GLCCI1: variants seen among roughly 807,000 people sequenced by gnomAD.
GLCCI1 encodes the protein glucocorticoid induced 1.
Under a neutral mutation model 52.2 loss-of-function variants are expected in GLCCI1, and 24 were observed. That is an observed-to-expected ratio of 0.46 (90% CI 0.33 to 0.65). The LOEUF (loss-of-function observed/expected upper bound fraction) is 0.65, where lower values mean the gene tolerates loss of function less well. Among genes scored for constraint, GLCCI1 ranks in the 30% least tolerant of loss-of-function variants. The pLI is 0.02. For synonymous variants in GLCCI1, 310 were observed against 276.5 expected (o/e 1.12, Z -1.20); for missense variants, 704 against 701.5 (o/e 1.00, Z -0.04).
intron 2 of GLCCI1, 131 bp downstream of exon 2, chr7:8,004,190 C>T: frequency 4.7e-6 from 4 of 852,624 alleles, no homozygotes; most frequent in South Asian, 4.6e-5. Flanking sequence ...AGGAAAAATC[C>T]ATTGTTTTAA....
chr7:8,039,559 TACTC>T (rs1781950175), intron 3 of GLCCI1, among the ~76,000 whole-genome samples: 1 of 152,232 alleles, frequency 6.6e-6, no homozygotes, highest in African/African-American at 2.4e-5. Flanking sequence ...TACATATTCT[TACTC>T]ATAAGTGGGA....
rs118173585 is a variant in GLCCI1 at position 7,986,460 on chromosome 7, G to A, written c.457+16653G>A. On this transcript the variant is annotated intron_variant, in intron 1 of 7. Coordinates refer to ENST00000223145, the MANE Select transcript of GLCCI1 (RefSeq NM_138426.4). ...GAATGGCATGAACCTGCTAGGCGGC[G>A]CTTGCAGTGAGCCGAGATCACACCA... 4.9e-3 allele frequency among the ~76,000 whole-genome samples: 741 copies of A among 151,252 alleles called. 12 individuals are homozygous for A. The highest frequency in any genetic ancestry group is 0.039 in the East Asian group (202 of 5,126).
intron 1 of GLCCI1, among the ~76,000 whole-genome samples, chr7:7,997,383 C>G (rs923779759): frequency 2.0e-5 from 3 of 150,782 alleles, no homozygotes; most frequent in Non-Finnish European, 4.4e-5. Flanking sequence ...TATGCTTAGC[C>G]TTAGTGAACC....
chr7:8,057,907 G>C (rs1782434142), intron 4 of GLCCI1, among the ~76,000 whole-genome samples: 1 of 152,022 alleles, frequency 6.6e-6, no homozygotes, highest in Non-Finnish European at 1.5e-5. Context: ...TATACATACT[G>C]GAATATTTGT....
intron 1 of GLCCI1, among the ~76,000 whole-genome samples, chr7:7,990,202 T>C (rs916565362): frequency 6.6e-6 from 1 of 152,120 alleles, no homozygotes; most frequent in African/African-American, 2.4e-5. Flanking sequence ...AGGCTGTATC[T>C]AAAACTATCA....
At chr7:8,076,489 A>G (rs1027705389) in intron 6 of GLCCI1, among the ~76,000 whole-genome samples, 1 of 152,214 alleles carries the variant, frequency 6.6e-6, no homozygotes, top group Non-Finnish European at 1.5e-5. Context: ...CTTAAGATAC[A>G]TACATTCCAG....
At chr7:8,040,350 G>A (rs1369156618) in intron 3 of GLCCI1, among the ~76,000 whole-genome samples, 1 of 152,010 alleles carries the variant, frequency 6.6e-6, no homozygotes, top group Non-Finnish European at 1.5e-5. Flanking sequence ...GCTGGGCATG[G>A]TGGTGTGTGC....
At chr7:7,986,982 T>G (rs1030262606) in intron 1 of GLCCI1, among the ~76,000 whole-genome samples, 5 of 152,218 alleles carry the variant, frequency 3.3e-5, no homozygotes, top group African/African-American at 1.2e-4. Flanking sequence ...TTGCTTGGAC[T>G]TTTGGAATTG....
intron 3 of GLCCI1, among the ~76,000 whole-genome samples, chr7:8,027,650 C>G (rs1402567648): frequency 6.6e-6 from 1 of 151,532 alleles, no homozygotes; most frequent in Non-Finnish European, 1.5e-5. Context: ...GGACTAAACT[C>G]TCCAAACAAA....
chr7:8,053,835 T>C (rs980582717), intron 3 of GLCCI1, among the ~76,000 whole-genome samples: 3 of 152,186 alleles, frequency 2.0e-5, no homozygotes, highest in Admixed American at 1.3e-4. Context: ...AAGGTCTGTC[T>C]TTGGAATTCA....
At position 7,968,826 on chromosome 7, in the gene GLCCI1, A is replaced by AGCGGCGGCGGCG. The variant is rs570249106; in HGVS notation, c.-515_-504dup. 4.4e-3 allele frequency: 712 copies of AGCGGCGGCGGCG among 160,250 alleles called. 61 individuals carry two copies. The highest frequency in any genetic ancestry group is 0.036 in the Admixed American group (554 of 15,536). The allele number at this position is 160,250 out of a possible 1,614,324, so 9.9% of individuals were successfully genotyped here. A position where few individuals can be genotyped will look rare whatever the true frequency, so the allele number is the denominator to read the frequency against. Reference sequence around the variant, plus strand: ...CCATTCGGAGTGAGGAGTGGGTAGAAGCGGCGGCGGCGGCGGCGGCGTTTG... The same window carrying AGCGGCGGCGGCG: ...CCATTCGGAGTGAGGAGTGGGTAGAAGCGGCGGCGGCGGCGGCGGCGGCGGCGGCGGCGTTTG... On this transcript the variant is annotated 5_prime_UTR_variant, in exon 1 of 8. Coordinates refer to ENST00000223145, the MANE Select transcript of GLCCI1 (RefSeq NM_138426.4).
At chr7:7,973,405 T>TG in intron 1 of GLCCI1, among the ~76,000 whole-genome samples, 1 of 134,316 alleles carries the variant, frequency 7.4e-6, no homozygotes, top group Non-Finnish European at 1.5e-5. Flanking sequence ...AATGCAAATC[T>TG]TTGTGTGCGT....
chr7:8,057,001 A>G (rs968140587), intron 4 of GLCCI1, among the ~76,000 whole-genome samples: 2 of 152,222 alleles, frequency 1.3e-5, no homozygotes, highest in Admixed American at 6.5e-5. Flanking sequence ...TAACTAGACT[A>G]TTAAAACTAA....
intron 1 of GLCCI1, among the ~76,000 whole-genome samples, chr7:7,983,037 T>G (rs1780654574): frequency 6.6e-6 from 1 of 152,204 alleles, no homozygotes; most frequent in Non-Finnish European, 1.5e-5. Context: ...GTACTTTGTA[T>G]TAAACATGTG....
intron 3 of GLCCI1, among the ~76,000 whole-genome samples, chr7:8,029,696 T>TAAAC (rs58678402): frequency 0.62 from 94,637 of 151,516 alleles, 30,269 homozygotes; most frequent in African/African-American, 0.77. Context: ...TTAAAACTGA[T>TAAAC]AAATTCAGTT....
chr7:8,072,745 A>G (rs1420356237), intron 6 of GLCCI1, among the ~76,000 whole-genome samples: 1 of 152,216 alleles, frequency 6.6e-6, no homozygotes, highest in Non-Finnish European at 1.5e-5. Context: ...CACTTTTGCT[A>G]CTTAACACTT....
intron 1 of GLCCI1, among the ~76,000 whole-genome samples, chr7:7,974,058 T>C (rs1052268254): frequency 6.6e-6 from 1 of 152,254 alleles, no homozygotes; most frequent in African/African-American, 2.4e-5. Context: ...AAAGCTTTCT[T>C]CTACATTAAT....
chr7:8,037,655 C>G (rs1781896722), intron 3 of GLCCI1, among the ~76,000 whole-genome samples: 1 of 152,044 alleles, frequency 6.6e-6, no homozygotes. Flanking sequence ...AGAAATCCAC[C>G]TAACTGCTAA....
At chr7:8,034,598 C>T (rs1408527131) in intron 3 of GLCCI1, among the ~76,000 whole-genome samples, 2 of 152,128 alleles carry the variant, frequency 1.3e-5, no homozygotes, top group East Asian at 3.8e-4. Context: ...TGACAAGAGA[C>T]ATCAGACACC....
Sources: allele counts gnomAD v4.1 joint callset (sites outside exome capture counted in the v4.1 genomes callset), GRCh38; gene constraint gnomAD v4.1.1; transcripts MANE v1.5; gene names NCBI Gene and HGNC (gene_info 2026-07-23, HGNC 2026-07-21).